Variants in ZNF536 observed in about 807,000 individuals in gnomAD.
The protein encoded by ZNF536 is zinc finger protein 536.
Under a neutral mutation model 84.5 loss-of-function variants are expected in ZNF536, and 13 were observed. The observed-to-expected ratio is 0.15, with a 90% CI of 0.10 to 0.24. The LOEUF is 0.24. Ranked by LOEUF, ZNF536 falls within the 10% of genes least tolerant of loss-of-function variation. ZNF536 has a pLI of 1.00. For missense variants in ZNF536, 1,536 were observed against 1,747.5 expected (o/e 0.88, Z 2.16); for synonymous variants, 811 against 742.5 (o/e 1.09, Z -1.50).
chr19:30,483,689 G>T (rs2054180625), intron 2 of ZNF536, among the ~76,000 whole-genome samples: 1 of 152,088 alleles, frequency 6.6e-6, no homozygotes, highest in African/African-American at 2.4e-5. Context: ...GTTCCCGGTA[G>T]CTTGCTCCAA....
chr19:30,436,415 G>A (rs764119389), intron 1 of ZNF536: 30 of 807,610 alleles, frequency 3.7e-5, no homozygotes, highest in African/African-American at 1.9e-4. Flanking sequence ...CCCCAGTAAT[G>A]TTTGTGATGT....
At chr19:30,618,759 T>C (rs2048384561) in intron 1 of ZNF536, among the ~76,000 whole-genome samples, 1 of 152,138 alleles carries the variant, frequency 6.6e-6, no homozygotes, top group African/African-American at 2.4e-5. Flanking sequence ...TTGTTTATTT[T>C]ATTTGTTCCT....
intron 1 of ZNF536, among the ~76,000 whole-genome samples, chr19:30,695,686 T>C (rs1371750246): frequency 1.3e-5 from 2 of 151,592 alleles, no homozygotes; most frequent in Admixed American, 6.6e-5. Context: ...AGAGGAGGGG[T>C]GGGCACATGT....
chr19:30,231,680 C>T (rs750837899), intron 1 of ZNF536, among the ~76,000 whole-genome samples: 3 of 152,144 alleles, frequency 2.0e-5, no homozygotes, highest in East Asian at 1.9e-4. Flanking sequence ...TTCAGGCTGC[C>T]GTGATGGTCC....
chr19:30,674,415 C>G (rs1220715736), intron 1 of ZNF536, among the ~76,000 whole-genome samples: 1 of 152,196 alleles, frequency 6.6e-6, no homozygotes, highest in East Asian at 1.9e-4. Context: ...CTCTTGTGGA[C>G]CTTGGCTGGT....
At chr19:30,347,109 T>C (rs926745258) in intron 2 of ZNF536, among the ~76,000 whole-genome samples, 4 of 82,298 alleles carry the variant, frequency 4.9e-5, no homozygotes, top group Non-Finnish European at 4.2e-5. Context: ...TTGAAGGGCT[T>C]TTTTTTTTTT....
intron 1 of ZNF536, among the ~76,000 whole-genome samples, chr19:30,246,400 T>C (rs1162284630): frequency 6.6e-6 from 1 of 152,202 alleles, no homozygotes; most frequent in East Asian, 1.9e-4. Flanking sequence ...TCTCATAGAA[T>C]CCTTCTGCGG....
intron 2 of ZNF536, among the ~76,000 whole-genome samples, chr19:30,450,643 A>G (rs2052559923): frequency 6.6e-6 from 1 of 152,224 alleles, no homozygotes; most frequent in Admixed American, 6.5e-5. Flanking sequence ...CTTCATTGTT[A>G]TATATTTAAA....
chr19:30,358,310 A>C (rs907065088), intron 3 of ZNF536, among the ~76,000 whole-genome samples: 1 of 152,310 alleles, frequency 6.6e-6, no homozygotes, highest in South Asian at 2.1e-4. Context: ...GAACCCACGC[A>C]TTTATGTTTA....
In ZNF536 at chr19:30,458,447, G is replaced by GTTTTTTTTTTTTTTT. The variant is rs3084731; in HGVS notation, c.2170+12724_2170+12738dup. Among the ~76,000 whole-genome samples, 49 of 83,484 alleles carry GTTTTTTTTTTTTTTT rather than the reference G, an allele frequency of 5.9e-4. 7 individuals are homozygous for GTTTTTTTTTTTTTTT. Among genetic ancestry groups the GTTTTTTTTTTTTTTT allele is most frequent in the African/African-American group, 2.7e-3 (49 of 17,920 alleles). 54.8% of individuals were successfully genotyped at this position (83,484 alleles called of 152,430 possible). ...CCAAGTATTTCCTCAATTTCCTGCTGTTTTTTTTTTTTTTTTTTTTTTTGA... is the reference window on the plus strand; with the variant it reads ...CCAAGTATTTCCTCAATTTCCTGCTGTTTTTTTTTTTTTTTTTTTTTTTTTTTTTTTTTTTTTTGA... On this transcript the variant is annotated intron_variant, in intron 2 of 4. Coordinates refer to ENST00000355537, the MANE Select transcript of ZNF536 (RefSeq NM_014717.3).
intron 2 of ZNF536, among the ~76,000 whole-genome samples, chr19:30,323,749 G>A (rs143692992): frequency 7.2e-5 from 11 of 152,200 alleles, no homozygotes; most frequent in Admixed American, 2.0e-4. Flanking sequence ...GCTGGTTCTT[G>A]GAGATTTCAC....
intron 2 of ZNF536, among the ~76,000 whole-genome samples, chr19:30,454,231 C>T (rs1431740458): frequency 2.6e-5 from 4 of 152,234 alleles, no homozygotes; most frequent in African/African-American, 4.8e-5. Flanking sequence ...TTTTGGCCAA[C>T]GCTAGTTTCT....
chr19:30,459,539 C>A (rs1485928279), intron 2 of ZNF536, among the ~76,000 whole-genome samples: 1 of 151,912 alleles, frequency 6.6e-6, no homozygotes, highest in Admixed American at 6.6e-5. Flanking sequence ...TTAGTAGAGA[C>A]AGGGTTTCAC....
At chr19:30,533,363 A>C (rs1288078025) in intron 2 of ZNF536, among the ~76,000 whole-genome samples, 1 of 152,152 alleles carries the variant, frequency 6.6e-6, no homozygotes, top group Non-Finnish European at 1.5e-5. Context: ...TGTGCAAAAA[A>C]TAGAAACTTA....
intron 1 of ZNF536, among the ~76,000 whole-genome samples, chr19:30,570,985 C>T (rs1390831722): frequency 1.3e-5 from 2 of 152,150 alleles, no homozygotes; most frequent in Non-Finnish European, 2.9e-5. Flanking sequence ...TCAGCTGCCC[C>T]CCAGCTCCTC....
At chr19:30,321,286 A>G (rs2046846427) in intron 2 of ZNF536, among the ~76,000 whole-genome samples, 2 of 152,288 alleles carry the variant, frequency 1.3e-5, no homozygotes, top group African/African-American at 4.8e-5. Context: ...GGCCGGTGCG[A>G]TGGCTCACGC....
chr19:30,277,513 A>G (rs1218969811), intron 1 of ZNF536, among the ~76,000 whole-genome samples: 1 of 152,198 alleles, frequency 6.6e-6, no homozygotes, highest in African/African-American at 2.4e-5. Flanking sequence ...ATGAAAGAAG[A>G]GGCTTCCTTT....
chr19:30,309,233 T>C (rs902867836), intron 2 of ZNF536, among the ~76,000 whole-genome samples: 2 of 152,216 alleles, frequency 1.3e-5, no homozygotes, highest in African/African-American at 4.8e-5. Flanking sequence ...GAATGGTCTC[T>C]GATAACACAT....
chr19:30,229,216 C>G (rs2022825419), intron 1 of ZNF536, among the ~76,000 whole-genome samples: 1 of 152,138 alleles, frequency 6.6e-6, no homozygotes, highest in East Asian at 1.9e-4. Flanking sequence ...TAGCTCGTCC[C>G]CCTTCCCCCA....
Sources: gnomAD v4.1 joint callset for allele counts (sites outside exome capture counted in the v4.1 genomes callset) on GRCh38, gnomAD v4.1.1 for gene constraint, MANE v1.5 for transcripts, NCBI Gene and HGNC (gene_info 2026-07-23, HGNC 2026-07-21) for gene names.